The following ITSN2 variants were observed in gnomAD, a reference collection of about 807,000 sequenced individuals.
ITSN2 encodes intersectin-2.
Under a neutral mutation model 243.7 loss-of-function variants are expected in ITSN2, and 156 were observed. The ratio of observed to expected loss-of-function variants is 0.64; its 90% CI spans 0.56 to 0.73. The LOEUF (loss-of-function observed/expected upper bound fraction) is 0.73. Ranked by LOEUF, ITSN2 falls within the 30% of genes least tolerant of loss-of-function variation. The probability of loss-of-function intolerance (pLI) is 0.00; values close to 1 mark genes in which losing one functional copy is unlikely to be tolerated. For synonymous variants in ITSN2, 703 were observed against 699.9 expected, an observed-to-expected ratio of 1.00 and a Z score of -0.07; for missense variants, 1,801 against 1,996.1, an observed-to-expected ratio of 0.90 and a Z score of 1.86.
chr2:24,284,144 C>T (rs913551256), intron 17 of ITSN2, among the ~76,000 whole-genome samples: 1 of 152,180 alleles, frequency 6.6e-6, no homozygotes, highest in African/African-American at 2.4e-5. Context: ...AAGCACATTT[C>T]TTTAAGCTCT....
intron 29 of ITSN2, among the ~76,000 whole-genome samples, chr2:24,229,405 A>G (rs546555100): frequency 3.2e-4 from 49 of 152,130 alleles, no homozygotes; most frequent in Non-Finnish European, 6.2e-4. Context: ...CCTGGCTAAC[A>G]TGGCGAAACC....
chr2:24,205,852 C>T (rs1668809676), intron 37 of ITSN2, among the ~76,000 whole-genome samples: 1 of 152,142 alleles, frequency 6.6e-6, no homozygotes, highest in South Asian at 2.1e-4. Flanking sequence ...ATTATTTAAA[C>T]TGCATAATTA....
chr2:24,320,784 C>G (rs535605234), intron 2 of ITSN2, among the ~76,000 whole-genome samples: 1 of 151,744 alleles, frequency 6.6e-6, no homozygotes. Context: ...AGAAAGCCAC[C>G]TGGCTTTCTA....
intron 1 of ITSN2, among the ~76,000 whole-genome samples, chr2:24,348,613 C>T (rs1295997627): frequency 2.0e-5 from 3 of 152,100 alleles, no homozygotes; most frequent in African/African-American, 7.3e-5. Flanking sequence ...GTGCTAAAAA[C>T]TACAGAGGAA....
chr2:24,353,601 A>T (rs1688203119), intron 1 of ITSN2, among the ~76,000 whole-genome samples: 1 of 152,190 alleles, frequency 6.6e-6, no homozygotes, highest in Admixed American at 6.5e-5. Flanking sequence ...GACAAAACAA[A>T]ACAAAACACT....
chr2:24,230,268 C>T (rs1671450424), intron 29 of ITSN2, among the ~76,000 whole-genome samples: 1 of 152,204 alleles, frequency 6.6e-6, no homozygotes, highest in Admixed American at 6.5e-5. Context: ...CACATTCAAT[C>T]CACCTGTGGG....
rs1684090630 is a variant in ITSN2, at chr2:24,317,689, C to G, written c.32-2465G>C. On this transcript the variant is annotated intron_variant, in intron 2 of 39. Transcript: ENST00000355123. ...GGGGCTACAAATTGAAAACAAATCT[C>G]AACTGCTAATTGAATTGTCTGTGTC... 2.6e-5 allele frequency among the ~76,000 whole-genome samples: 4 copies of G among 152,374 alleles called. No homozygotes were observed. In the South Asian group the frequency reaches 6.2e-4, roughly 24 times the overall value.
intron 18 of ITSN2, among the ~76,000 whole-genome samples, chr2:24,272,301 T>C (rs922548300): frequency 2.6e-5 from 4 of 152,170 alleles, no homozygotes; most frequent in Admixed American, 6.5e-5. Flanking sequence ...CCTTCCTTTC[T>C]CTCCAGATAT....
chr2:24,243,228 TC>T (rs1672948072), intron 29 of ITSN2, among the ~76,000 whole-genome samples: 1 of 152,190 alleles, frequency 6.6e-6, no homozygotes, highest in Admixed American at 6.5e-5. Context: ...TGAATGTTGT[TC>T]CCCACTAACC....
At chr2:24,359,930 C>T (rs1688796748) in intron 1 of ITSN2, among the ~76,000 whole-genome samples, 1 of 152,170 alleles carries the variant, frequency 6.6e-6, no homozygotes. Context: ...GCCCCCAGAG[C>T]TCTCTTCTGC....
intron 31 of ITSN2, among the ~76,000 whole-genome samples, chr2:24,217,028 G>A (rs1179962209): frequency 2.0e-5 from 3 of 151,532 alleles, no homozygotes; most frequent in African/African-American, 7.3e-5. Context: ...AGCTGGCAGC[G>A]AGCCGAGATC....
chr2:24,283,373 C>T (rs947383169), intron 17 of ITSN2, among the ~76,000 whole-genome samples: 6 of 152,040 alleles, frequency 3.9e-5, no homozygotes, highest in Non-Finnish European at 8.8e-5. Flanking sequence ...TACAGGCATC[C>T]GCCACTATGC....
chr2:24,250,583 A>C (rs1255999574), intron 25 of ITSN2, among the ~76,000 whole-genome samples: 1 of 152,204 alleles, frequency 6.6e-6, no homozygotes, highest in East Asian at 1.9e-4. Context: ...ATGTTATCAC[A>C]TCATGCACGG....
In ITSN2 at chr2:24,300,133, C is replaced by G. The variant is rs1028647210; in HGVS notation, c.1120G>C (p.Gly374Arg). 6.2e-7 allele frequency: 1 copy of G among 1,614,040 alleles called. No homozygotes were observed. The highest frequency in any genetic ancestry group is 8.5e-7 in the Non-Finnish European group (1 of 1,180,050). ...CGTCGCTTTTCCAGCTCCATGTTCCCTCGCTCATAGTTGGCTTTCCGTTTG... is the reference window on the plus strand; with the variant it reads ...CGTCGCTTTTCCAGCTCCATGTTCCGTCGCTCATAGTTGGCTTTCCGTTTG... ...EDKRKANYER[G>R]NMELEKRRQA... The change falls in exon 12 of 40, where the codon GGG becomes CGG. Residue 374 changes from glycine (G) to arginine (R), a missense_variant. Physicochemically the swap from Gly to Arg is moderately radical, Grantham distance 125. This residue lies in a region of ITSN2 where 787 missense variants were observed against 803.9 expected (regional missense o/e 0.98). Transcript: ENST00000355123.
At position 24,261,098 on chromosome 2, in the gene ITSN2, C is replaced by T; in HGVS notation, c.2682+8G>A. 3 of 1,609,506 alleles carry T rather than the reference C, an allele frequency of 1.9e-6. No individual in the cohort carries two copies. Among genetic ancestry groups the T allele is most frequent in the East Asian group, 4.5e-5 (2 of 44,732 alleles). Reference sequence around the variant, plus strand: ...GAATAAAGCCCACAAAAATAACAGACAACATACCTGTCCATGAATAGGTGA... The same window carrying T: ...GAATAAAGCCCACAAAAATAACAGATAACATACCTGTCCATGAATAGGTGA... On this transcript the variant is annotated splice_region_variant and intron_variant, in intron 22 of 39. Coordinates refer to ENST00000355123, the MANE Select transcript of ITSN2 (RefSeq NM_006277.3).
intron 8 of ITSN2, among the ~76,000 whole-genome samples, chr2:24,306,846 G>A (rs936385017): frequency 9.4e-5 from 14 of 148,836 alleles, no homozygotes; most frequent in Admixed American, 6.1e-4. Context: ...TCGTTCTGTT[G>A]CCAGGCTGGA....
intron 1 of ITSN2, among the ~76,000 whole-genome samples, chr2:24,358,325 G>A (rs933117185): frequency 2.6e-5 from 4 of 152,206 alleles, no homozygotes; most frequent in African/African-American, 9.7e-5. Context: ...CTAGCTCAGA[G>A]ACCTAAAGTA....
chr2:24,237,993 C>T (rs1672348721), intron 29 of ITSN2, among the ~76,000 whole-genome samples: 1 of 152,092 alleles, frequency 6.6e-6, no homozygotes, highest in Non-Finnish European at 1.5e-5. Flanking sequence ...TACTGAAATG[C>T]TTATAATTAC....
intron 7 of ITSN2, 76 bp downstream of exon 7, chr2:24,310,208 G>T: frequency 1.0e-6 from 1 of 985,434 alleles, no homozygotes; most frequent in Non-Finnish European, 1.6e-6. Flanking sequence ...TAAGCTCAAA[G>T]CTTTAAAAAA....
Sources: allele counts gnomAD v4.1 joint callset (sites outside exome capture counted in the v4.1 genomes callset), GRCh38; gene constraint gnomAD v4.1.1; regional missense constraint gnomAD v4.1.1; transcripts MANE v1.5; gene names NCBI Gene and HGNC (gene_info 2026-07-23, HGNC 2026-07-21).